Variants in ENTPD1 observed in about 807,000 individuals in gnomAD.
The protein encoded by ENTPD1 is ectonucleoside triphosphate diphosphohydrolase 1.
Under a neutral mutation model 57.0 loss-of-function variants are expected in ENTPD1, and 33 were observed. The observed-to-expected ratio is 0.58, with a 90% CI of 0.44 to 0.77. The LOEUF is 0.77. ENTPD1 is among the 30% of genes least tolerant of loss of function. The pLI is 0.00. For synonymous variants in ENTPD1, 202 were observed against 218.8 expected (o/e 0.92, Z 0.68); for missense variants, 501 against 603.4 (o/e 0.83, Z 1.78).
Position 95,866,710 on chromosome 10 carries a change from G to A in ENTPD1, c.*327G>A, listed in dbSNP as rs959328020. On this transcript the variant is annotated 3_prime_UTR_variant, in exon 10 of 10. Coordinates refer to ENST00000371205, the MANE Select transcript of ENTPD1 (RefSeq NM_001776.6). Reference sequence around the variant, plus strand: ...AGAACAATATTGACTTTGTCTAGAAGAACTGAGAGTCTTGAGTCCTGTGAT... The same window carrying A: ...AGAACAATATTGACTTTGTCTAGAAAAACTGAGAGTCTTGAGTCCTGTGAT... 2.5e-6 allele frequency: 3 copies of A among 1,183,556 alleles called. No individual in the cohort carries two copies. The highest frequency in any genetic ancestry group is 2.1e-6 in the Non-Finnish European group (2 of 943,410). 73.3% of individuals were successfully genotyped at this position (1,183,556 alleles called of 1,614,324 possible).
the ENTPD1 span, among the ~76,000 whole-genome samples, chr10:95,704,582 G>T: frequency 3.3e-5 from 5 of 151,992 alleles, no homozygotes; most frequent in Non-Finnish European, 7.4e-5. Flanking sequence ...TGTACCAATT[G>T]GATATTTATA....
intron 1 of ENTPD1, among the ~76,000 whole-genome samples, chr10:95,783,710 T>TAA (rs199944809): frequency 2.8e-4 from 38 of 135,522 alleles, no homozygotes; most frequent in African/African-American, 6.7e-4. Flanking sequence ...CAGGTAGGCA[T>TAA]AAAAAAAAAA....
intron 1 of ENTPD1, among the ~76,000 whole-genome samples, chr10:95,742,231 G>A (rs1480482507): frequency 6.6e-6 from 1 of 152,150 alleles, no homozygotes; most frequent in African/African-American, 2.4e-5. Context: ...CAATTCTGGG[G>A]CACTTAACGG....
In ENTPD1 at chr10:95,870,239, T is replaced by C. The variant is rs1486360763; in HGVS notation, c.*3856T>C. The C allele has an allele frequency of 2.0e-6, 2 of 985,308 alleles. No homozygotes were observed. The highest frequency in any genetic ancestry group is 2.4e-6 in the Non-Finnish European group (2 of 829,904). 61.0% of individuals were successfully genotyped at this position (985,308 alleles called of 1,614,324 possible). ...TTCATCTGGATTTAAAGATTAATTC[T>C]TGATGCTTACATTCCATACTCAAAA... On this transcript the variant is annotated 3_prime_UTR_variant, in exon 10 of 10. Coordinates refer to ENST00000371205, the MANE Select transcript of ENTPD1 (RefSeq NM_001776.6).
intron 7 of ENTPD1, among the ~76,000 whole-genome samples, chr10:95,853,304 T>C (rs758048867): frequency 5.9e-5 from 9 of 152,222 alleles, no homozygotes; most frequent in Non-Finnish European, 1.0e-4. Context: ...TTTGCTGAAG[T>C]TGTTTATCAG....
At chr10:95,843,532 A>G (rs1370503010) in intron 4 of ENTPD1, among the ~76,000 whole-genome samples, 1 of 152,232 alleles carries the variant, frequency 6.6e-6, no homozygotes, top group Non-Finnish European at 1.5e-5. Context: ...ATGTTAAGTA[A>G]CTCACCCAAG....
intron 1 of ENTPD1, among the ~76,000 whole-genome samples, chr10:95,816,936 T>G (rs894787554): frequency 1.3e-5 from 2 of 152,212 alleles, no homozygotes; most frequent in Non-Finnish European, 2.9e-5. Flanking sequence ...TAAGAACTCT[T>G]TAGTATAGGC....
At chr10:95,716,135 G>A (rs184490690) in intron 1 of ENTPD1, among the ~76,000 whole-genome samples, 5 of 152,266 alleles carry the variant, frequency 3.3e-5, no homozygotes, top group African/African-American at 9.6e-5. Context: ...CAAAGTGTTG[G>A]TATTGCAGGT....
In ENTPD1 at chr10:95,845,502, G is replaced by A. The variant is rs375311388; in HGVS notation, c.719G>A (p.Arg240His). 12 of 1,613,972 alleles carry A rather than the reference G, an allele frequency of 7.4e-6. No individual in the cohort carries two copies. Among genetic ancestry groups the A allele is most frequent in the African/African-American group, 2.7e-5 (2 of 74,876 alleles). ...TCCCCAGATAATGCTCTGCAATTTC[G>A]CCTCTATGGCAAGGACTACAATGTC... ...IESPDNALQF[R>H]LYGKDYNVYT... The change falls in exon 6 of 10, where the codon CGC (arginine) becomes CAC (histidine). Residue 240 changes from arginine to histidine, a missense_variant. Transcript: ENST00000371205.
At position 95,866,328 on chromosome 10, in the gene ENTPD1, T is replaced by A. The variant is rs754205303; in HGVS notation, c.1478T>A (p.Ile493Asn). The A allele has an allele frequency of 6.2e-7, 1 of 1,614,100 alleles. No homozygotes were observed. The highest frequency in any genetic ancestry group is 1.3e-5 in the African/African-American group (1 of 74,930). ...LFSLVLFTVA[I>N]IGLLIFHKPS... ...TCCCTGGTCCTTTTCACAGTGGCCA[T>A]CATAGGCTTGCTTATCTTTCACAAG... Residue 493 changes from isoleucine (I) to asparagine (N), a missense_variant, in exon 10 of 10, where the codon ATC (isoleucine) becomes AAC (asparagine). Ile to Asn is a moderately radical substitution (Grantham distance 149). Transcript: ENST00000371205.
At chr10:95,704,308 A>G in the ENTPD1 span, among the ~76,000 whole-genome samples, 2 of 152,162 alleles carry the variant, frequency 1.3e-5, no homozygotes, top group African/African-American at 4.8e-5. Flanking sequence ...ATTTACGTGT[A>G]ATTTCAAAAG....
intron 7 of ENTPD1, among the ~76,000 whole-genome samples, chr10:95,851,761 A>G (rs2098445664): frequency 6.6e-6 from 1 of 152,132 alleles, no homozygotes; most frequent in Non-Finnish European, 1.5e-5. Flanking sequence ...ACATGAACTC[A>G]TCATTTTTTA....
At chr10:95,853,443 C>A (rs1032541758) in intron 7 of ENTPD1, among the ~76,000 whole-genome samples, 1 of 152,078 alleles carries the variant, frequency 6.6e-6, no homozygotes, top group African/African-American at 2.4e-5. Flanking sequence ...TGCCTGATTG[C>A]CCTGGCCAGA....
intron 2 of ENTPD1, chr10:95,839,328 G>GT: frequency 3.2e-6 from 1 of 313,660 alleles, no homozygotes; most frequent in South Asian, 3.0e-5. Context: ...GACAAGTTTG[G>GT]GGACTATAGA....
At position 95,864,795 on chromosome 10, in the gene ENTPD1, C is replaced by T. The variant is rs752356129; in HGVS notation, c.1260C>T (p.Leu420=). ...SEYCFSGTYI[L]SLLLQGYHFT... ...ACTGCTTTTCTGGTACCTACATTCT[C>T]TCCCTCCTTCTGCAAGGCTATCATT... Residue 420 remains leucine (L), a synonymous_variant, in exon 9 of 10, where the codon CTC becomes CTT. Coordinates refer to ENST00000371205, the MANE Select transcript of ENTPD1 (RefSeq NM_001776.6). 1.2e-6 allele frequency: 2 copies of T among 1,614,104 alleles called. No homozygotes were observed. The highest frequency in any genetic ancestry group is 2.2e-5 in the East Asian group (1 of 44,884).
upstream of ENTPD1, among the ~76,000 whole-genome samples, chr10:95,751,507 T>A (rs561992539): frequency 1.3e-5 from 2 of 151,940 alleles, no homozygotes; most frequent in African/African-American, 4.8e-5. Context: ...TCACCTGAGG[T>A]CAGGAGTTCG....
rs1415420881 is a variant in ENTPD1, at chr10:95,851,195, AAC to A, written c.1074+3493_1074+3494del. Among the ~76,000 whole-genome samples the A allele has an allele frequency of 3.4e-4, 52 of 152,184 alleles. 1 individual carries two copies. Among genetic ancestry groups the A allele is most frequent in the Middle Eastern group, 6.8e-3 (2 of 294 alleles). ...GAAACTGGAATTAAAGAACATTAAA[AAC>A]ACATTTGTTTACATATGTATACATA... On this transcript the variant is annotated intron_variant, in intron 7 of 9. Transcript: ENST00000371205.
At chr10:95,842,560 G>A in intron 4 of ENTPD1, 66 bp downstream of exon 4, 1 of 1,570,542 alleles carries the variant, frequency 6.4e-7, no homozygotes, top group Non-Finnish European at 8.7e-7. Context: ...AGCCTCTGAA[G>A]TTATGGGAAA....
intron 1 of ENTPD1, among the ~76,000 whole-genome samples, chr10:95,740,258 T>A (rs1411112599): frequency 1.3e-5 from 2 of 152,170 alleles, no homozygotes; most frequent in Admixed American, 1.3e-4. Flanking sequence ...CCCGAATAGC[T>A]GGGACTACAG....
Sources: gnomAD v4.1 joint callset for allele counts (sites outside exome capture counted in the v4.1 genomes callset) on GRCh38, gnomAD v4.1.1 for gene constraint, MANE v1.5 for transcripts, NCBI Gene and HGNC (gene_info 2026-07-23, HGNC 2026-07-21) for gene names.